BCAR3: variants seen among roughly 807,000 people sequenced by gnomAD.
The protein encoded by BCAR3 is BCAR3 adaptor protein, NSP family member, also known as breast cancer anti-estrogen resistance protein 3.
Under a neutral mutation model 80.1 loss-of-function variants are expected in BCAR3, and 37 were observed. The observed-to-expected ratio is 0.46, with a 90% CI of 0.36 to 0.61. BCAR3 has a LOEUF of 0.61. Among genes scored for constraint, BCAR3 ranks in the 20% least tolerant of loss-of-function variants. BCAR3 has a pLI of 0.00. For synonymous variants in BCAR3, 389 were observed against 418.9 expected, an observed-to-expected ratio of 0.93 and a Z score of 0.87; for missense variants, 978 against 1,068.2, an observed-to-expected ratio of 0.92 and a Z score of 1.18.
Position 93,589,024 on chromosome 1 carries a change from A to G in BCAR3, c.882T>C (p.Gly294=). The change falls in exon 5 of 12, where the codon GGT becomes GGC. Residue 294 remains glycine (G), a synonymous_variant. Transcript: ENST00000260502. ...DVAKRLSLTM[G]GVQAREQNLP... ...AATTCTGCTCTCGGGCCTGGACGCC[A>G]CCCATGGTGAGGCTCAGCCTCTTGG... The G allele has an allele frequency of 1.9e-6, 3 of 1,602,760 alleles. No homozygotes were observed. The highest frequency in any genetic ancestry group is 2.2e-5 in the East Asian group (1 of 44,552).
At chr1:93,574,779 G>T (rs934573503) in intron 8 of BCAR3, among the ~76,000 whole-genome samples, 5 of 152,216 alleles carry the variant, frequency 3.3e-5, no homozygotes, top group African/African-American at 1.2e-4. Flanking sequence ...AGAGAGGCTG[G>T]AACCTAGAAA....
intron 2 of BCAR3, among the ~76,000 whole-genome samples, chr1:93,668,226 G>A (rs1648018676): frequency 6.6e-6 from 1 of 152,204 alleles, no homozygotes; most frequent in Non-Finnish European, 1.5e-5. Context: ...TTTCTTGGTT[G>A]TGGTTTGCAA....
At chr1:93,708,332 G>A (rs184632446) in intron 2 of BCAR3, among the ~76,000 whole-genome samples, 20 of 152,318 alleles carry the variant, frequency 1.3e-4, no homozygotes, top group African/African-American at 4.6e-4. Context: ...TGGGACTGAT[G>A]TTAAGCTAAA....
At chr1:93,576,158 G>T (rs760865781) in intron 7 of BCAR3, 29 bp from the exon 8 acceptor site, 22 of 1,566,498 alleles carry the variant, frequency 1.4e-5, no homozygotes, top group Non-Finnish European at 7.0e-6. Context: ...GAAATACACT[G>T]GATCAGGAAG....
At chr1:93,675,600 G>A (rs1648435899) in intron 1 of BCAR3, among the ~76,000 whole-genome samples, 1 of 152,208 alleles carries the variant, frequency 6.6e-6, no homozygotes, top group South Asian at 2.1e-4. Context: ...CCCCACAGAG[G>A]GGTCAGGATC....
intron 2 of BCAR3, among the ~76,000 whole-genome samples, chr1:93,667,761 C>G (rs915597419): frequency 1.3e-5 from 2 of 152,224 alleles, no homozygotes; most frequent in Non-Finnish European, 2.9e-5. Flanking sequence ...CTCTTGGTGA[C>G]AGACTGGATA....
chr1:93,609,704 G>C (rs754993605), intron 3 of BCAR3, among the ~76,000 whole-genome samples: 54 of 152,294 alleles, frequency 3.5e-4, no homozygotes, highest in Middle Eastern at 3.4e-3. Context: ...ACCTGGGGGC[G>C]GGCCTGCCAG....
intron 2 of BCAR3, among the ~76,000 whole-genome samples, chr1:93,774,768 C>G (rs1652487611): frequency 6.6e-6 from 1 of 152,192 alleles, no homozygotes; most frequent in African/African-American, 2.4e-5. Flanking sequence ...TGGTTTCTCA[C>G]ACATCTTCAA....
At chr1:93,774,099 AG>A (rs1308096030) in intron 2 of BCAR3, among the ~76,000 whole-genome samples, 1 of 152,236 alleles carries the variant, frequency 6.6e-6, no homozygotes, top group Non-Finnish European at 1.5e-5. Context: ...GGAAGTTAAG[AG>A]CAATCAGGAG....
chr1:93,608,496 G>A (rs781152165), intron 3 of BCAR3, among the ~76,000 whole-genome samples: 3 of 152,206 alleles, frequency 2.0e-5, no homozygotes, highest in Non-Finnish European at 4.4e-5. Context: ...CTTTGTGGTC[G>A]GAGCACACCA....
intron 3 of BCAR3, among the ~76,000 whole-genome samples, chr1:93,611,056 C>T (rs1402979699): frequency 6.6e-6 from 1 of 152,144 alleles, no homozygotes; most frequent in East Asian, 1.9e-4. Context: ...AAATTATTGC[C>T]CTGCTCACCT....
At chr1:93,676,910 T>C (rs1648513290) in intron 1 of BCAR3, among the ~76,000 whole-genome samples, 2 of 152,240 alleles carry the variant, frequency 1.3e-5, no homozygotes. Context: ...GCCTGTTTCC[T>C]CTCTGCTTCC....
intron 9 of BCAR3, chr1:93,571,397 C>T (rs897592543): frequency 5.1e-6 from 2 of 393,430 alleles, no homozygotes; most frequent in African/African-American, 4.1e-5. Context: ...CTACTTGAGG[C>T]TGAGGCATGA....
chr1:93,712,705 C>A (rs1396587761), intron 2 of BCAR3, among the ~76,000 whole-genome samples: 1 of 152,232 alleles, frequency 6.6e-6, no homozygotes, highest in Non-Finnish European at 1.5e-5. Context: ...TTGATTTTCA[C>A]ATCAGCTCTA....
intron 3 of BCAR3, among the ~76,000 whole-genome samples, chr1:93,622,021 G>A (rs540867169): frequency 1.3e-5 from 2 of 152,100 alleles, no homozygotes; most frequent in Non-Finnish European, 2.9e-5. Context: ...ACAGGCACCC[G>A]CCACCATGCC....
At chr1:93,687,391 T>C (rs1169560497) in intron 3 of BCAR3, among the ~76,000 whole-genome samples, 2 of 152,200 alleles carry the variant, frequency 1.3e-5, no homozygotes, top group African/African-American at 4.8e-5. Flanking sequence ...AACTGCAAAC[T>C]CCGTCTCTTG....
chr1:93,774,432 C>T (rs1323031466), intron 2 of BCAR3, among the ~76,000 whole-genome samples: 2 of 149,312 alleles, frequency 1.3e-5, no homozygotes, highest in African/African-American at 2.5e-5. Flanking sequence ...TGCAGTGAGC[C>T]GAGATCGGAC....
intron 2 of BCAR3, among the ~76,000 whole-genome samples, chr1:93,820,117 C>T (rs577209141): frequency 6.6e-6 from 1 of 152,316 alleles, no homozygotes; most frequent in Admixed American, 6.5e-5. Flanking sequence ...GTTAAAGATG[C>T]TACTCAAGTA....
intron 2 of BCAR3, among the ~76,000 whole-genome samples, chr1:93,644,829 C>CTCTG (rs1676104065): frequency 6.6e-6 from 1 of 152,152 alleles, no homozygotes; most frequent in African/African-American, 2.4e-5. Flanking sequence ...TCCTCCTGAG[C>CTCTG]TCTGGACCTC....
Sources: allele counts gnomAD v4.1 joint callset (sites outside exome capture counted in the v4.1 genomes callset), GRCh38; gene constraint gnomAD v4.1.1; transcripts MANE v1.5; gene names NCBI Gene and HGNC (gene_info 2026-07-23, HGNC 2026-07-21).